Variants in CNTN4 observed in about 807,000 individuals in gnomAD.
CNTN4 encodes contactin 4.
A neutral mutation model predicts 122.5 loss-of-function variants in CNTN4; 77 were observed. The observed-to-expected ratio is 0.63, with a 90% CI of 0.52 to 0.76. The LOEUF (loss-of-function observed/expected upper bound fraction) is 0.76, where lower values mean the gene tolerates loss of function less well. CNTN4 is among the 30% of genes least tolerant of loss of function. The pLI is 0.00. For missense variants in CNTN4, 1,256 were observed against 1,259.1 expected (o/e 1.00, Z 0.04); for synonymous variants, 512 against 447.0 (o/e 1.15, Z -1.83).
intron 2 of CNTN4, among the ~76,000 whole-genome samples, chr3:2,239,688 GTCTTCT>G (rs200751787): frequency 1.3e-5 from 2 of 152,158 alleles, no homozygotes; most frequent in African/African-American, 4.8e-5. Context: ...TGCAATAGCA[GTCTTCT>G]TCTTATAATT....
At chr3:2,125,052 A>G (rs2034054246) in intron 2 of CNTN4, among the ~76,000 whole-genome samples, 2 of 152,008 alleles carry the variant, frequency 1.3e-5, no homozygotes, top group Admixed American at 1.3e-4. Flanking sequence ...GCAGATCTCT[A>G]GCACTTATTC....
At chr3:2,120,405 A>ATATATATATATATATATATATATATATTT (rs1428527983) in intron 2 of CNTN4, among the ~76,000 whole-genome samples, 1 of 40,872 alleles carries the variant, frequency 2.4e-5, no homozygotes, top group Non-Finnish European at 4.3e-5. Context: ...ATATATATAT[A>ATATATATATATATATATATATATATATTT]TTTTTTTTTT....
intron 3 of CNTN4, among the ~76,000 whole-genome samples, chr3:2,508,453 A>G (rs908910968): frequency 6.6e-6 from 1 of 152,204 alleles, no homozygotes; most frequent in Non-Finnish European, 1.5e-5. Flanking sequence ...AATATTGATT[A>G]AGCCTCAAAC....
intron 4 of CNTN4, among the ~76,000 whole-genome samples, chr3:2,627,010 C>T (rs924211665): frequency 1.3e-5 from 2 of 152,172 alleles, no homozygotes; most frequent in Admixed American, 1.3e-4. Flanking sequence ...CCCCACTTTG[C>T]TCTTCTTTGT....
At chr3:2,323,179 G>A (rs2043329327) in intron 2 of CNTN4, among the ~76,000 whole-genome samples, 1 of 152,078 alleles carries the variant, frequency 6.6e-6, no homozygotes, top group African/African-American at 2.4e-5. Context: ...TCATAGACAT[G>A]CACCGCTGGA....
At chr3:2,106,663 G>T (rs2032471756) in intron 2 of CNTN4, among the ~76,000 whole-genome samples, 1 of 152,228 alleles carries the variant, frequency 6.6e-6, no homozygotes, top group Non-Finnish European at 1.5e-5. Flanking sequence ...CTCTGGGCCT[G>T]TGATGGGAGG....
chr3:2,186,429 C>T (rs1419830808), intron 2 of CNTN4, among the ~76,000 whole-genome samples: 1 of 152,122 alleles, frequency 6.6e-6, no homozygotes, highest in Non-Finnish European at 1.5e-5. Flanking sequence ...GATTTATATT[C>T]CTTTGAGTAT....
chr3:2,438,712 A>G (rs377019766), intron 3 of CNTN4, among the ~76,000 whole-genome samples: 181 of 152,304 alleles, frequency 1.2e-3, no homozygotes, highest in African/African-American at 3.8e-3. Context: ...CTCAGCTCAC[A>G]TATGGTGGTG....
At chr3:2,874,191 G>A (rs944984934) in intron 8 of CNTN4, among the ~76,000 whole-genome samples, 1 of 152,168 alleles carries the variant, frequency 6.6e-6, no homozygotes, top group Non-Finnish European at 1.5e-5. Flanking sequence ...CAGGTCCATG[G>A]GGGCTAAAGG....
At chr3:2,475,617 C>CT (rs1317056409) in intron 3 of CNTN4, among the ~76,000 whole-genome samples, 1 of 152,088 alleles carries the variant, frequency 6.6e-6, no homozygotes, top group Non-Finnish European at 1.5e-5. Context: ...ATGTCAGTTC[C>CT]TTTTTATTGA....
intron 14 of CNTN4, among the ~76,000 whole-genome samples, chr3:3,010,459 T>C (rs1308489941): frequency 1.2e-5 from 1 of 85,676 alleles, no homozygotes; most frequent in Non-Finnish European, 2.5e-5. Context: ...TATAGGCTTA[T>C]GCCATTAAAA....
At chr3:2,202,446 C>T (rs1007429657) in intron 2 of CNTN4, among the ~76,000 whole-genome samples, 6 of 152,088 alleles carry the variant, frequency 3.9e-5, no homozygotes, top group African/African-American at 1.4e-4. Flanking sequence ...AGCTTAGAGG[C>T]AGGATTGTTA....
In CNTN4 at chr3:2,704,171, C is replaced by T. The variant is rs150099060; in HGVS notation, c.56-32044C>T. 3.3e-3 allele frequency among the ~76,000 whole-genome samples: 498 copies of T among 151,780 alleles called. 1 individual carries two copies. Among genetic ancestry groups the T allele is most frequent in the Middle Eastern group, 0.01 (3 of 294 alleles). ...AATTAGCCAGGTGTGGTGGCATACA[C>T]CTGTAGTCCCCAGTACTCGGGAGGC... On this transcript the variant is annotated intron_variant, in intron 4 of 24. Coordinates refer to ENST00000418658, the MANE Select transcript of CNTN4 (RefSeq NM_175607.3).
rs1304176200 is a variant in CNTN4, at chr3:2,385,230, TCA to T, written c.-89+45998_-89+45999del. On this transcript the variant is annotated intron_variant, in intron 3 of 24. Transcript: ENST00000418658. The surrounding 1 kb of genome is among the most constrained non-coding windows in gnomAD (Gnocchi z 4.0). ...ATCTGTCTACTACTCAACTTTCTAC[TCA>T]GTTTTTTATTTTTTATTTTTATTTC... Among the ~76,000 whole-genome samples the T allele has an allele frequency of 6.6e-6, 1 of 152,182 alleles. No homozygotes were observed. Among genetic ancestry groups the T allele is most frequent in the African/African-American group, 2.4e-5 (1 of 41,460 alleles).
intron 14 of CNTN4, among the ~76,000 whole-genome samples, chr3:3,002,651 C>T (rs1696166101): frequency 6.6e-6 from 1 of 152,092 alleles, no homozygotes; most frequent in African/African-American, 2.4e-5. Flanking sequence ...AAATGAAGAG[C>T]CTTTAATCGA....
intron 4 of CNTN4, among the ~76,000 whole-genome samples, chr3:2,690,811 A>T (rs1458412507): frequency 6.6e-6 from 1 of 152,234 alleles, no homozygotes; most frequent in African/African-American, 2.4e-5. Context: ...GTCCACCAAT[A>T]AAGTTTTATT....
At chr3:2,873,680 A>G (rs990838567) in intron 8 of CNTN4, among the ~76,000 whole-genome samples, 5 of 152,276 alleles carry the variant, frequency 3.3e-5, no homozygotes, top group East Asian at 1.9e-4. Flanking sequence ...AACAGCCACT[A>G]TTTTTCTTCA....
chr3:2,222,654 C>T (rs901366879), intron 2 of CNTN4, among the ~76,000 whole-genome samples: 1 of 151,522 alleles, frequency 6.6e-6, no homozygotes, highest in African/African-American at 2.4e-5. Context: ...ATACGCACAA[C>T]CCCCCACACC....
Position 2,646,093 on chromosome 3 carries a change from T to A in CNTN4, c.55+74535T>A, listed in dbSNP as rs75723859. Among the ~76,000 whole-genome samples the A allele has an allele frequency of 5.5e-3, 834 of 152,284 alleles. 7 individuals are homozygous for A. Among genetic ancestry groups the A allele is most frequent in the African/African-American group, 0.019 (802 of 41,560 alleles). On this transcript the variant is annotated intron_variant, in intron 4 of 24. Coordinates refer to ENST00000418658, the MANE Select transcript of CNTN4 (RefSeq NM_175607.3). ...GAAACCGATTTTGTCTATCTAAGAG[T>A]CAGTGTCCTCATCCTTAAAACCAAA...
Sources: gnomAD v4.1 joint callset for allele counts (sites outside exome capture counted in the v4.1 genomes callset) on GRCh38, gnomAD v4.1.1 for gene constraint, Gnocchi (gnomAD v3.1) non-coding constraint, MANE v1.5 for transcripts, NCBI Gene and HGNC (gene_info 2026-07-23, HGNC 2026-07-21) for gene names.